Variants in RPLP2 observed in about 807,000 individuals in gnomAD.
RPLP2 encodes large ribosomal subunit protein P2.
In RPLP2, 1 loss-of-function variant was observed where a neutral mutation model predicts 11.5. That is an observed-to-expected ratio of 0.09 (90% confidence interval 0.03 to 0.41). The LOEUF is 0.41. RPLP2 is among the 10% of genes least tolerant of loss of function. RPLP2 has a pLI of 0.98. For synonymous variants in RPLP2, 82 were observed against 55.9 expected (o/e 1.47, Z -2.08); for missense variants, 177 against 145.6 (o/e 1.22, Z -1.11).
Position 812,433 on chromosome 11 carries a change from A to G in RPLP2, c.173-102A>G, listed in dbSNP as rs564407498. On this transcript the variant is annotated intron_variant, in intron 3 of 4. Coordinates refer to ENST00000321153, the MANE Select transcript of RPLP2 (RefSeq NM_001004.4). ...ACACTGGCATATGGTGGGTCCAGATATGTTGGGTGCCATGTGCCATCTCTG... is the reference window on the plus strand; with the variant it reads ...ACACTGGCATATGGTGGGTCCAGATGTGTTGGGTGCCATGTGCCATCTCTG... 3.4e-6 allele frequency: 5 copies of G among 1,483,346 alleles called. No homozygotes were observed. The South Asian group carries it at 4.8e-5, about 14-fold the overall frequency. The allele number at this position is 1,483,346 out of a possible 1,614,324, so 91.9% of individuals were successfully genotyped here. A position where few individuals can be genotyped will look rare whatever the true frequency, so the allele number is the denominator to read the frequency against.
chr11:810,545 G>A, intron 2 of RPLP2, 188 bp downstream of exon 2: 1 of 492,916 alleles, frequency 2.0e-6, no homozygotes, highest in Non-Finnish European at 3.5e-6. Flanking sequence ...TGTAGTCCCA[G>A]TACTTTGGGA....
chr11:812,812 C>T lies in RPLP2; in HGVS notation c.324C>T (p.Asp108=), dbSNP rs775013421. The change falls in exon 5 of 5, where the codon GAC becomes GAT. Residue 108 remains aspartate, a synonymous_variant. Coordinates refer to ENST00000321153, the MANE Select transcript of RPLP2 (RefSeq NM_001004.4). Reference sequence around the variant, plus strand: ...AGGAGTCTGAAGAGTCAGATGATGACATGGGATTTGGCCTTTTTGATTAAA... The same window carrying T: ...AGGAGTCTGAAGAGTCAGATGATGATATGGGATTTGGCCTTTTTGATTAAA... The part of the protein sequence containing the change: ...KKEESEESDD[D]MGFGLFD The T allele has an allele frequency of 2.0e-5, 32 of 1,613,384 alleles. No individual in the cohort carries two copies. Among genetic ancestry groups the T allele is most frequent in the Non-Finnish European group, 2.6e-5 (31 of 1,179,984 alleles).
chr11:811,758 A>T (rs758214759), intron 3 of RPLP2, 113 bp downstream of exon 3: 1 of 1,350,456 alleles, frequency 7.4e-7, no homozygotes, highest in Non-Finnish European at 1.1e-6. Context: ...TAGAAGCCTC[A>T]CCCGAGGAGT....
Position 810,362 on chromosome 11 carries a change from C to A in RPLP2, c.123+5C>A. ...GACGACGACCGGCTCAACAAGGTAG[C>A]GGCCGCCCTTGCCCCGCAGCCGCCG... On this transcript the variant is annotated splice_donor_5th_base_variant and intron_variant, in intron 2 of 4. Coordinates refer to ENST00000321153, the MANE Select transcript of RPLP2 (RefSeq NM_001004.4). 1 of 1,604,158 alleles carries A rather than the reference C, an allele frequency of 6.2e-7. No homozygotes were observed. Among genetic ancestry groups the A allele is most frequent in the Non-Finnish European group, 8.5e-7 (1 of 1,176,064 alleles).
intron 4 of RPLP2, 61 bp downstream of exon 4, chr11:812,694 G>A: frequency 6.2e-7 from 1 of 1,612,720 alleles, no homozygotes. Flanking sequence ...GCTGCAGTGG[G>A]GTCTTCATGG....
At chr11:812,666 T>C (rs1386225580) in intron 4 of RPLP2, 33 bp downstream of exon 4, 6 of 1,611,804 alleles carry the variant, frequency 3.7e-6, no homozygotes, top group South Asian at 1.1e-5. Context: ...GGCAAGGGGC[T>C]GGGGCTCAGA....
chr11:810,574 A>G (rs1344622547), intron 2 of RPLP2: 3 of 421,726 alleles, frequency 7.1e-6, no homozygotes, highest in Non-Finnish European at 1.3e-5. Context: ...CAGGCGGATC[A>G]CCTGAGGTCA....
intron 3 of RPLP2, 42 bp downstream of exon 3, chr11:811,687 A>G (rs752530471): frequency 6.2e-7 from 1 of 1,613,256 alleles, no homozygotes; most frequent in Non-Finnish European, 8.5e-7. Flanking sequence ...TTCATGGTCC[A>G]TCCTAATCCC....
At chr11:812,499 G>T in intron 3 of RPLP2, 36 bp from the exon 4 acceptor site, 1 of 1,604,264 alleles carries the variant, frequency 6.2e-7, no homozygotes. Flanking sequence ...CCCAGGCTGG[G>T]CAGCTGCTCT....
intron 3 of RPLP2, 147 bp downstream of exon 3, chr11:811,792 G>A (rs372517605): frequency 9.9e-5 from 96 of 968,894 alleles, no homozygotes; most frequent in Non-Finnish European, 1.5e-4. Flanking sequence ...GTGGGCTCAC[G>A]TCATGGGCAC....
At position 810,224 on chromosome 11, in the gene RPLP2, C is replaced by T; in HGVS notation, c.-1-10C>T. On this transcript the variant is annotated splice_polypyrimidine_tract_variant and intron_variant, in intron 1 of 4. Coordinates refer to ENST00000321153, the MANE Select transcript of RPLP2 (RefSeq NM_001004.4). ...TAACTCCGCCGTCGCGTCCTCTCCG[C>T]CCGCCTCAGGATGCGCTACGTCGCC... is the stretch of plus-strand genomic sequence containing the variant. 1 of 1,540,778 alleles carries T rather than the reference C, an allele frequency of 6.5e-7. No individual in the cohort carries two copies. The highest frequency in any genetic ancestry group is 8.7e-7 in the Non-Finnish European group (1 of 1,143,736).
At chr11:811,007 C>CAAAAAAAAAAA (rs56150719) in intron 2 of RPLP2, among the ~76,000 whole-genome samples, 1 of 90,362 alleles carries the variant, frequency 1.1e-5, no homozygotes. Flanking sequence ...CCGGTCTCCA[C>CAAAAAAAAAAA]AAAAAAAAAA....
chr11:811,978 T>G, intron 3 of RPLP2: 4 of 511,088 alleles, frequency 7.8e-6, no homozygotes, highest in Non-Finnish European at 1.4e-5. Flanking sequence ...ACCACATGCT[T>G]TCTGTGAGGG....
chr11:810,568 C>G (rs1590166015), intron 2 of RPLP2: 1 of 428,324 alleles, frequency 2.3e-6, no homozygotes, highest in East Asian at 3.8e-5. Context: ...ACGAGGCAGG[C>G]GGATCACCTG....
intron 2 of RPLP2, 73 bp from the exon 3 acceptor site, chr11:811,524 T>C (rs749865294): frequency 1.0e-4 from 165 of 1,589,274 alleles, no homozygotes; most frequent in Non-Finnish European, 1.3e-4. Context: ...AGTCCTGCTG[T>C]GACTCTGGGA....
chr11:810,791 GAAAAAAA>G (rs35176006), intron 2 of RPLP2, among the ~76,000 whole-genome samples: 2 of 116,354 alleles, frequency 1.7e-5, no homozygotes, highest in African/African-American at 3.2e-5. Flanking sequence ...GTCTCAAAAG[GAAAAAAA>G]AAAAAAAAAG....
intron 3 of RPLP2, chr11:812,330 C>A: frequency 1.5e-6 from 1 of 646,088 alleles, no homozygotes; most frequent in South Asian, 1.9e-5. Flanking sequence ...GAAGGCAAGT[C>A]CCTGGATAGG....
chr11:810,196 G>A, intron 1 of RPLP2, 38 bp from the exon 2 acceptor site: 3 of 1,469,800 alleles, frequency 2.0e-6, no homozygotes, highest in Non-Finnish European at 9.1e-7. Context: ...GAGGCCGCCG[G>A]GGTAACTCCG....
At chr11:812,468 A>G in intron 3 of RPLP2, 67 bp from the exon 4 acceptor site, 3 of 1,591,486 alleles carry the variant, frequency 1.9e-6, no homozygotes, top group Non-Finnish European at 2.6e-6. Flanking sequence ...GGTGCCATCT[A>G]ACTTCCCTGT....
Sources: allele counts gnomAD v4.1 joint callset (sites outside exome capture counted in the v4.1 genomes callset), GRCh38; gene constraint gnomAD v4.1.1; transcripts MANE v1.5; gene names NCBI Gene and HGNC (gene_info 2026-07-23, HGNC 2026-07-21).